Variants in KIAA1217 observed in about 807,000 individuals in gnomAD.
KIAA1217 encodes the protein KIAA1217, also known as sickle tail protein homolog.
KIAA1217 carries 88 observed loss-of-function variants against 163.9 expected under a neutral mutation model. The observed-to-expected ratio is 0.54, with a 90% CI of 0.45 to 0.64. KIAA1217 has a LOEUF of 0.64. KIAA1217 is among the 30% of genes least tolerant of loss of function. The pLI, the probability that KIAA1217 is intolerant of heterozygous loss-of-function variation, is 0.00. For synonymous variants in KIAA1217, 903 were observed against 923.1 expected, an observed-to-expected ratio of 0.98 and a Z score of 0.39; for missense variants, 2,372 against 2,475.0, an observed-to-expected ratio of 0.96 and a Z score of 0.88.
intron 2 of KIAA1217, among the ~76,000 whole-genome samples, chr10:24,282,059 C>A (rs1463677109): frequency 5.0e-4 from 76 of 151,578 alleles, no homozygotes; most frequent in African/African-American, 1.6e-3. Context: ...TCCATCTCAA[C>A]AACAACAAAA....
chr10:23,900,428 C>G (rs1841910289), intron 1 of KIAA1217, among the ~76,000 whole-genome samples: 2 of 152,010 alleles, frequency 1.3e-5, no homozygotes, highest in Non-Finnish European at 2.9e-5. Context: ...GATTTCCTGG[C>G]ATTTATCAGC....
chr10:24,297,448 A>G (rs1056868332), intron 2 of KIAA1217, among the ~76,000 whole-genome samples: 1 of 152,216 alleles, frequency 6.6e-6, no homozygotes, highest in Non-Finnish European at 1.5e-5. Flanking sequence ...CTCAATGATC[A>G]TAAAGAAACT....
chr10:23,823,822 C>A (rs947438676), intron 1 of KIAA1217, among the ~76,000 whole-genome samples: 1 of 151,110 alleles, frequency 6.6e-6, no homozygotes, highest in Non-Finnish European at 1.5e-5. Context: ...AATATGAAAT[C>A]TAGAAGGAAG....
intron 20 of KIAA1217, 170 bp from the exon 21 acceptor site, chr10:24,545,657 G>T (rs922238251): frequency 1.4e-6 from 2 of 1,424,868 alleles, no homozygotes; most frequent in Non-Finnish European, 1.8e-6. Flanking sequence ...TACATGGGGG[G>T]TTTCTACCAG....
chr10:24,329,166 A>G (rs2045336168), intron 2 of KIAA1217, among the ~76,000 whole-genome samples: 1 of 148,024 alleles, frequency 6.8e-6, no homozygotes, highest in Non-Finnish European at 1.5e-5. Flanking sequence ...ATATTTATAC[A>G]TAGTACATAA....
chr10:24,418,284 A>G (rs970474251), intron 3 of KIAA1217, among the ~76,000 whole-genome samples: 3 of 152,100 alleles, frequency 2.0e-5, no homozygotes, highest in Non-Finnish European at 4.4e-5. Flanking sequence ...TCCACTTGGA[A>G]AGTAGTTTAT....
intron 9 of KIAA1217, among the ~76,000 whole-genome samples, chr10:24,511,454 T>A (rs1434879987): frequency 6.6e-6 from 1 of 152,044 alleles, no homozygotes; most frequent in African/African-American, 2.4e-5. Flanking sequence ...ACCTGCCTGA[T>A]GATCATGGAG....
chr10:23,805,379 C>A (rs1836686395), intron 1 of KIAA1217, among the ~76,000 whole-genome samples: 1 of 152,132 alleles, frequency 6.6e-6, no homozygotes, highest in Non-Finnish European at 1.5e-5. Flanking sequence ...TCTGCAGGGA[C>A]ATGGATGGAG....
At chr10:24,342,864 G>C (rs1278206165) in intron 2 of KIAA1217, among the ~76,000 whole-genome samples, 1 of 151,790 alleles carries the variant, frequency 6.6e-6, no homozygotes, top group Non-Finnish European at 1.5e-5. Flanking sequence ...CACCATCTTG[G>C]CCAGGCTGGT....
chr10:24,345,976 T>C (rs1591172536), intron 2 of KIAA1217, among the ~76,000 whole-genome samples: 1 of 152,278 alleles, frequency 6.6e-6, no homozygotes, highest in East Asian at 1.9e-4. Flanking sequence ...CCCGCCATCC[T>C]CCCAGCCCCT....
chr10:24,351,457 G>A (rs1412481577), intron 2 of KIAA1217, among the ~76,000 whole-genome samples: 1 of 152,080 alleles, frequency 6.6e-6, no homozygotes, highest in African/African-American at 2.4e-5. Context: ...TCATTCCCTA[G>A]TATGGGTGGA....
intron 2 of KIAA1217, among the ~76,000 whole-genome samples, chr10:24,221,189 G>A (rs1343240899): frequency 2.0e-5 from 3 of 152,236 alleles, no homozygotes; most frequent in Admixed American, 6.5e-5. Context: ...TGTGGCTAGG[G>A]ATGTTTTTGT....
At chr10:24,243,993 A>C (rs2073455054) in intron 2 of KIAA1217, among the ~76,000 whole-genome samples, 1 of 152,216 alleles carries the variant, frequency 6.6e-6, no homozygotes, top group African/African-American at 2.4e-5. Context: ...GGCTGCGTGC[A>C]GTGACTGAAG....
chr10:24,438,544 A>T (rs2060244060), intron 5 of KIAA1217, 65 bp downstream of exon 5: 1 of 1,053,024 alleles, frequency 9.5e-7, no homozygotes, highest in South Asian at 1.3e-5. Flanking sequence ...TCTTGCTTGT[A>T]CTCCTGATGT....
In KIAA1217 at chr10:24,064,933, G is replaced by A. The variant is rs564262161; in HGVS notation, c.-171+57559G>A. ...GATTTTCTAGTTTATTTGCATAGAG[G>A]TGTTTATAGTATTCTCTGATGGTAG... On this transcript the variant is annotated intron_variant, in intron 2 of 18. Coordinates refer to the KIAA1217 transcript ENST00000376462. Among the ~76,000 whole-genome samples, 442 of 152,296 alleles carry A rather than the reference G, an allele frequency of 2.9e-3. 2 individuals carry two copies. Among genetic ancestry groups the A allele is most frequent in the African/African-American group, 9.5e-3 (393 of 41,562 alleles).
rs892621889 is a variant in KIAA1217 at position 23,973,940 on chromosome 10, T to A, written c.-320-33285T>A. On this transcript the variant is annotated intron_variant, in intron 1 of 18. Coordinates refer to the KIAA1217 transcript ENST00000376462. ...CTGGGACAATCCTAGAATCAGATGT[T>A]AACCAAATAGCCCCCAAATACATGA... is the stretch of plus-strand genomic sequence containing the variant. Among the ~76,000 whole-genome samples, 18 of 152,200 alleles carry A rather than the reference T, an allele frequency of 1.2e-4. No individual in the cohort carries two copies. The South Asian group carries it at 3.1e-3, about 26-fold the overall frequency.
At chr10:24,082,118 G>C (rs1473965609) in intron 2 of KIAA1217, among the ~76,000 whole-genome samples, 4 of 152,298 alleles carry the variant, frequency 2.6e-5, no homozygotes, top group Admixed American at 2.6e-4. Flanking sequence ...TTGTAATTCA[G>C]CCTCTGGTTA....
intron 1 of KIAA1217, among the ~76,000 whole-genome samples, chr10:23,978,220 C>T (rs1845621011): frequency 6.6e-6 from 1 of 152,144 alleles, no homozygotes; most frequent in Non-Finnish European, 1.5e-5. Context: ...AGACTTCCTC[C>T]AGATTCTGCA....
chr10:24,257,723 T>C (rs923396550), intron 2 of KIAA1217, among the ~76,000 whole-genome samples: 1 of 152,090 alleles, frequency 6.6e-6, no homozygotes, highest in Non-Finnish European at 1.5e-5. Context: ...TAGCCAAAGA[T>C]CTGGAACTGG....
Sources: allele counts gnomAD v4.1 joint callset (sites outside exome capture counted in the v4.1 genomes callset), GRCh38; gene constraint gnomAD v4.1.1; transcripts MANE v1.5; gene names NCBI Gene and HGNC (gene_info 2026-07-23, HGNC 2026-07-21).